The following FGF12 variants were observed in gnomAD, a reference collection of about 807,000 sequenced individuals.
FGF12 encodes the protein fibroblast growth factor 12, also known as fibroblast growth factor 12B.
In FGF12, 14 loss-of-function variants were observed where a neutral mutation model predicts 23.6. The observed-to-expected ratio is 0.59, with a 90% CI of 0.39 to 0.93. The LOEUF (loss-of-function observed/expected upper bound fraction) is 0.93, where lower values mean the gene tolerates loss of function less well. Among genes scored for constraint, FGF12 ranks in the 40% least tolerant of loss-of-function variants. FGF12 has a pLI of 0.00. For missense variants in FGF12, 175 were observed against 217.8 expected, an observed-to-expected ratio of 0.80 and a Z score of 1.24; for synonymous variants, 62 against 77.3, an observed-to-expected ratio of 0.80 and a Z score of 1.04.
At chr3:192,399,814 A>G (rs951045992) in intron 2 of FGF12, among the ~76,000 whole-genome samples, 1 of 152,224 alleles carries the variant, frequency 6.6e-6, no homozygotes, top group Non-Finnish European at 1.5e-5. Flanking sequence ...GACCCATGTC[A>G]TTCTTTACTT....
At chr3:192,375,222 T>TA (rs1352498038) in intron 2 of FGF12, among the ~76,000 whole-genome samples, 2 of 152,236 alleles carry the variant, frequency 1.3e-5, no homozygotes, top group Non-Finnish European at 2.9e-5. Context: ...CATTTTGCTT[T>TA]AACTTTAATT....
chr3:192,335,347 T>C lies in FGF12; in HGVS notation c.228+14A>G. The stretch of plus-strand genomic sequence containing the variant: ...CACACACATACACACAAATACACAC[T>C]ACAATGTACTTACTGAACTGTAGAG... On this transcript the variant is annotated intron_variant, in intron 4 of 5. Coordinates refer to ENST00000445105, the MANE Select transcript of FGF12 (RefSeq NM_004113.6). 6.4e-7 allele frequency: 1 copy of C among 1,555,762 alleles called. No homozygotes were observed. Among genetic ancestry groups the C allele is most frequent in the South Asian group, 1.1e-5 (1 of 89,786 alleles).
chr3:192,555,695 G>C (rs1711739484), intron 2 of FGF12, among the ~76,000 whole-genome samples: 1 of 151,400 alleles, frequency 6.6e-6, no homozygotes, highest in African/African-American at 2.4e-5. Context: ...CTAATCGGGA[G>C]GCTGAGGTGG....
intron 4 of FGF12, among the ~76,000 whole-genome samples, chr3:192,291,928 A>G (rs1271498583): frequency 6.6e-6 from 1 of 152,208 alleles, no homozygotes; most frequent in Non-Finnish European, 1.5e-5. Flanking sequence ...TATATTCAAC[A>G]ATACGTGTAT....
At chr3:192,447,878 T>A (rs532568795) in intron 2 of FGF12, among the ~76,000 whole-genome samples, 1 of 152,280 alleles carries the variant, frequency 6.6e-6, no homozygotes, top group East Asian at 1.9e-4. Flanking sequence ...TCCCAAAGTC[T>A]CCTATATGTC....
At chr3:192,233,989 T>C (rs888559669) in intron 4 of FGF12, among the ~76,000 whole-genome samples, 1 of 152,202 alleles carries the variant, frequency 6.6e-6, no homozygotes, top group African/African-American at 2.4e-5. Context: ...TGAAGTTTGA[T>C]AGTGTGATGC....
chr3:192,645,828 A>G (rs989890064), intron 2 of FGF12, among the ~76,000 whole-genome samples: 3 of 151,208 alleles, frequency 2.0e-5, no homozygotes, highest in African/African-American at 4.9e-5. Context: ...ATTCTAGTGA[A>G]GGTTACACTT....
intron 2 of FGF12, among the ~76,000 whole-genome samples, chr3:192,526,602 TC>T (rs895221398): frequency 6.6e-6 from 1 of 152,114 alleles, no homozygotes; most frequent in Admixed American, 6.6e-5. Context: ...TCACTTTTGT[TC>T]CCTTTCATGG....
Position 192,141,817 on chromosome 3 carries a change from A to G in FGF12, c.*2192T>C, listed in dbSNP as rs1450165908. On this transcript the variant is annotated 3_prime_UTR_variant, in exon 6 of 6. Coordinates refer to ENST00000445105, the MANE Select transcript of FGF12 (RefSeq NM_004113.6). ...TTACTGATGAGTGTGTATGTGTATC[A>G]TCACTACAAAAGCTCAAGTCATTTC... 2 of 142,188 alleles carry G rather than the reference A, an allele frequency of 1.4e-5. No homozygotes were observed. 8.8% of individuals were successfully genotyped at this position (142,188 alleles called of 1,614,324 possible). A position where few individuals can be genotyped will look rare whatever the true frequency, so the allele number is the denominator to read the frequency against.
intron 4 of FGF12, among the ~76,000 whole-genome samples, chr3:192,193,812 A>G (rs777463037): frequency 6.6e-6 from 1 of 151,866 alleles, no homozygotes; most frequent in African/African-American, 2.4e-5. Context: ...TATAATTTGT[A>G]TATGTACCAT....
intron 2 of FGF12, among the ~76,000 whole-genome samples, chr3:192,554,383 A>G (rs1333509270): frequency 6.6e-6 from 1 of 152,206 alleles, no homozygotes; most frequent in African/African-American, 2.4e-5. Context: ...AGAGCTAGGC[A>G]CCTTGTGGCA....
At chr3:192,609,277 A>G (rs1207149222) in intron 2 of FGF12, among the ~76,000 whole-genome samples, 2 of 152,122 alleles carry the variant, frequency 1.3e-5, no homozygotes, top group East Asian at 3.9e-4. Context: ...CATACAACAC[A>G]GATTTTCCTG....
chr3:192,550,883 T>C (rs1711512012), intron 2 of FGF12, among the ~76,000 whole-genome samples: 1 of 152,196 alleles, frequency 6.6e-6, no homozygotes, highest in Non-Finnish European at 1.5e-5. Flanking sequence ...TCTCTCTCTT[T>C]ACAAAAAGCA....
At chr3:192,166,653 C>T (rs1244536389) in intron 5 of FGF12, among the ~76,000 whole-genome samples, 2 of 152,102 alleles carry the variant, frequency 1.3e-5, no homozygotes, top group African/African-American at 4.8e-5. Flanking sequence ...GAACCTACTT[C>T]GTACAAATGG....
At chr3:192,503,070 G>A (rs1724181140) in intron 2 of FGF12, among the ~76,000 whole-genome samples, 1 of 152,190 alleles carries the variant, frequency 6.6e-6, no homozygotes, top group Non-Finnish European at 1.5e-5. Context: ...AGGAAAGTTG[G>A]TGGATATGTC....
At chr3:192,712,700 T>A (rs1339725506) in intron 2 of FGF12, among the ~76,000 whole-genome samples, 1 of 152,014 alleles carries the variant, frequency 6.6e-6, no homozygotes, top group Non-Finnish European at 1.5e-5. Flanking sequence ...TATTTTCCGA[T>A]ATGAAAAGGC....
At chr3:192,156,799 C>T (rs1577182848) in intron 5 of FGF12, among the ~76,000 whole-genome samples, 2 of 152,174 alleles carry the variant, frequency 1.3e-5, no homozygotes, top group African/African-American at 2.4e-5. Context: ...TGGTAAAATA[C>T]GATCATGTTT....
intron 2 of FGF12, among the ~76,000 whole-genome samples, chr3:192,581,484 GTGTATATATA>G (rs1239605047): frequency 3.0e-4 from 21 of 69,174 alleles, no homozygotes; most frequent in African/African-American, 5.5e-4. Flanking sequence ...ATGTGTGTGT[GTGTATATATA>G]TATATATATA....
At chr3:192,510,321 TAA>T (rs1724431342) in intron 2 of FGF12, among the ~76,000 whole-genome samples, 1 of 152,094 alleles carries the variant, frequency 6.6e-6, no homozygotes, top group Admixed American at 6.5e-5. Context: ...CAAAAGACAT[TAA>T]GAGACACCTC....
Sources: gnomAD v4.1 joint callset for allele counts (sites outside exome capture counted in the v4.1 genomes callset) on GRCh38, gnomAD v4.1.1 for gene constraint, MANE v1.5 for transcripts, NCBI Gene and HGNC (gene_info 2026-07-23, HGNC 2026-07-21) for gene names.